Variants in ZNF679 observed in about 807,000 individuals in gnomAD.
ZNF679 encodes zinc finger protein 679, also known as hypothetical protein MGC42415.
In ZNF679, 10 loss-of-function variants were observed where a neutral mutation model predicts 13.4. That is an observed-to-expected ratio of 0.75 (90% CI 0.46 to 1.27). The LOEUF (loss-of-function observed/expected upper bound fraction) is 1.27, where lower values mean the gene tolerates loss of function less well. Ranked by LOEUF, ZNF679 falls within the 50% of genes most tolerant of loss-of-function variation. The pLI, the probability that ZNF679 is intolerant of heterozygous loss-of-function variation, is 0.00. For synonymous variants in ZNF679, 179 were observed against 162.5 expected (o/e 1.10, Z -0.77); for missense variants, 525 against 477.8 (o/e 1.10, Z -0.92).
At chr7:64,260,545 A>G (rs1434744142) in intron 3 of ZNF679, among the ~76,000 whole-genome samples, 198 bp downstream of exon 3, 1 of 152,152 alleles carries the variant, frequency 6.6e-6, no homozygotes, top group Non-Finnish European at 1.5e-5. Flanking sequence ...GAGCTTATGT[A>G]TCTTTCACTC....
At chr7:64,231,437 C>A (rs764308624) in intron 1 of ZNF679, among the ~76,000 whole-genome samples, 1 of 152,124 alleles carries the variant, frequency 6.6e-6, no homozygotes, top group Non-Finnish European at 1.5e-5. Context: ...TTCTGTAGGC[C>A]GAGCCCAGGC....
At chr7:64,260,598 G>A (rs1419749285) in intron 3 of ZNF679, among the ~76,000 whole-genome samples, 3 of 151,986 alleles carry the variant, frequency 2.0e-5, no homozygotes, top group South Asian at 2.1e-4. Context: ...ATAAAATATC[G>A]TTGCCCACAC....
chr7:64,233,905 G>A (rs1011275291), intron 1 of ZNF679, among the ~76,000 whole-genome samples: 4 of 152,204 alleles, frequency 2.6e-5, no homozygotes, highest in African/African-American at 4.8e-5. Flanking sequence ...CAAGAACGAA[G>A]TAAGCCACTG....
At chr7:64,253,291 T>C (rs1211759709) in intron 2 of ZNF679, among the ~76,000 whole-genome samples, 1 of 152,186 alleles carries the variant, frequency 6.6e-6, no homozygotes, top group African/African-American at 2.4e-5. Context: ...TGAACATCTC[T>C]GACTTGGAAA....
Position 64,266,057 on chromosome 7 carries a change from A to G in ZNF679, c.424A>G (p.Asn142Asp), listed in dbSNP as rs755078627. 11 of 1,613,504 alleles carry G rather than the reference A, an allele frequency of 6.8e-6. 1 individual carries two copies. The South Asian group carries it at 1.2e-4, about 18-fold the overall frequency. The change falls in exon 5 of 5, where the codon AAT becomes GAT. Residue 142 changes from asparagine (N) to aspartate (D), a missense_variant. Asn to Asp is a conservative substitution (Grantham distance 23, BLOSUM62 1). Transcript: ENST00000421025. The part of the protein sequence containing the change: ...GECEVQKGGC[N>D]EVNQCLSTTQ... ...GTGTGAGGTGCAAAAAGGAGGTTGT[A>G]ATGAAGTTAACCAATGTTTGTCAAC...
At chr7:64,229,877 T>C (rs1787612959) in intron 1 of ZNF679, among the ~76,000 whole-genome samples, 1 of 152,178 alleles carries the variant, frequency 6.6e-6, no homozygotes, top group African/African-American at 2.4e-5. Context: ...AGCATTCTCC[T>C]TGTGTGCAGT....
intron 1 of ZNF679, among the ~76,000 whole-genome samples, chr7:64,237,379 G>A (rs1167028983): frequency 6.6e-6 from 1 of 152,172 alleles, no homozygotes; most frequent in Non-Finnish European, 1.5e-5. Context: ...CTTTCTAGCA[G>A]CCAGGTGGGG....
intron 2 of ZNF679, among the ~76,000 whole-genome samples, chr7:64,258,116 G>A (rs1352276529): frequency 6.6e-6 from 1 of 152,152 alleles, no homozygotes; most frequent in African/African-American, 2.4e-5. Flanking sequence ...GTCTGATAGG[G>A]GAGGGCAGGG....
intron 2 of ZNF679, among the ~76,000 whole-genome samples, chr7:64,250,031 G>C (rs566399145): frequency 6.6e-6 from 1 of 151,932 alleles, no homozygotes; most frequent in East Asian, 2.0e-4. Flanking sequence ...TAGTAGAGAT[G>C]GGGTTTCACC....
chr7:64,238,109 T>C (rs2116514197), intron 1 of ZNF679, among the ~76,000 whole-genome samples: 1 of 152,252 alleles, frequency 6.6e-6, no homozygotes, highest in Non-Finnish European at 1.5e-5. Context: ...AGAAAATACC[T>C]GTTAAGCAAA....
chr7:64,235,787 CAAGA>C (rs71060565), intron 1 of ZNF679, among the ~76,000 whole-genome samples: 52,848 of 142,476 alleles, frequency 0.37, 9,658 homozygotes, highest in East Asian at 0.48. Context: ...GAAACCCCGT[CAAGA>C]AAGAAAGAAA....
At chr7:64,251,263 C>T (rs1189591987) in intron 2 of ZNF679, among the ~76,000 whole-genome samples, 2 of 151,982 alleles carry the variant, frequency 1.3e-5, no homozygotes, top group Non-Finnish European at 2.9e-5. Flanking sequence ...ACCAGCCTGG[C>T]CAACATGATG....
chr7:64,243,883 T>G (rs958493230), intron 1 of ZNF679, among the ~76,000 whole-genome samples: 1 of 152,162 alleles, frequency 6.6e-6, no homozygotes, highest in African/African-American at 2.4e-5. Context: ...GCACCCAAAA[T>G]GCATATTGTG....
Position 64,266,014 on chromosome 7 carries a change from A to G in ZNF679, c.381A>G (p.Thr127=). Residue 127 remains threonine, a synonymous_variant, in exon 5 of 5, where the codon ACA becomes ACG. Transcript: ENST00000421025. The part of the protein sequence containing the change: ...KSGHDNLQVK[T]CKSMGECEVQ... ...GACATGACAATTTACAAGTAAAAAC[A>G]TGTAAAAGCATGGGTGAGTGTGAGG... 6.2e-7 allele frequency: 1 copy of G among 1,613,656 alleles called. No homozygotes were observed. Among genetic ancestry groups the G allele is most frequent in the Admixed American group, 1.7e-5 (1 of 59,886 alleles).
At chr7:64,252,355 CAA>C (rs1351093046) in intron 2 of ZNF679, among the ~76,000 whole-genome samples, 2 of 152,072 alleles carry the variant, frequency 1.3e-5, no homozygotes, top group Non-Finnish European at 2.9e-5. Context: ...CAATATGTAA[CAA>C]AATATTTACA....
At chr7:64,258,261 G>A (rs1205824009) in intron 2 of ZNF679, among the ~76,000 whole-genome samples, 2 of 152,104 alleles carry the variant, frequency 1.3e-5, no homozygotes, top group East Asian at 1.9e-4. Context: ...TGTGTGTGGC[G>A]GTAGCAGGTG....
chr7:64,266,268 A>T lies in ZNF679; in HGVS notation c.635A>T (p.Tyr212Phe), dbSNP rs1406387523. The change falls in exon 5 of 5, where the codon TAC becomes TTC. Residue 212 changes from tyrosine (Y) to phenylalanine (F), a missense_variant. Transcript: ENST00000421025. ...HQIIHTRENS[Y>F]QCEECGKPFN... Reference sequence around the variant, plus strand: ...ATAATTCATACTAGGGAGAATTCCTACCAATGTGAAGAATGCGGCAAACCC... The same window carrying T: ...ATAATTCATACTAGGGAGAATTCCTTCCAATGTGAAGAATGCGGCAAACCC... The T allele has an allele frequency of 1.3e-6, 2 of 1,592,038 alleles. No individual in the cohort carries two copies. Among genetic ancestry groups the T allele is most frequent in the African/African-American group, 1.3e-5 (1 of 74,192 alleles).
chr7:64,261,148 T>C (rs761600223), intron 4 of ZNF679, among the ~76,000 whole-genome samples: 2 of 152,200 alleles, frequency 1.3e-5, no homozygotes, highest in Non-Finnish European at 2.9e-5. Context: ...TAATCTTTCT[T>C]CAAGTTCACA....
intron 4 of ZNF679, among the ~76,000 whole-genome samples, chr7:64,265,185 A>G (rs1788127368): frequency 6.6e-6 from 1 of 152,138 alleles, no homozygotes; most frequent in Non-Finnish European, 1.5e-5. Context: ...ACATAAAACT[A>G]CCTTTCACGA....
Sources: allele counts gnomAD v4.1 joint callset (sites outside exome capture counted in the v4.1 genomes callset), GRCh38; gene constraint gnomAD v4.1.1; transcripts MANE v1.5; gene names NCBI Gene and HGNC (gene_info 2026-07-23, HGNC 2026-07-21).